ASB3: variants seen among roughly 807,000 people sequenced by gnomAD.
The protein encoded by ASB3 is ankyrin repeat and SOCS box containing 3.
ASB3 carries 41 observed loss-of-function variants against 54.5 expected under a neutral mutation model. That is an observed-to-expected ratio of 0.75 (90% CI 0.59 to 0.98). ASB3 has a LOEUF of 0.98. Among genes scored for constraint, ASB3 ranks in the 50% least tolerant of loss-of-function variants. The pLI is 0.00. For missense variants in ASB3, 733 were observed against 620.0 expected (o/e 1.18, Z -1.94); for synonymous variants, 266 against 221.2 (o/e 1.20, Z -1.80).
intron 3 of ASB3, 61 bp downstream of exon 3, chr2:53,750,722 A>G: frequency 7.1e-7 from 1 of 1,413,136 alleles, no homozygotes; most frequent in African/African-American, 1.5e-5. Flanking sequence ...AATTAAGCTT[A>G]GTTTAACAAA....
intron 9 of ASB3, among the ~76,000 whole-genome samples, chr2:53,681,996 A>G (rs762705696): frequency 1.3e-5 from 2 of 151,880 alleles, no homozygotes; most frequent in Non-Finnish European, 2.9e-5. Flanking sequence ...CGTCTCTACT[A>G]AAAGTACAAA....
At chr2:53,772,424 T>G (rs1674002961) in intron 1 of ASB3, among the ~76,000 whole-genome samples, 1 of 152,182 alleles carries the variant, frequency 6.6e-6, no homozygotes, top group African/African-American at 2.4e-5. Context: ...TCCGCCCGCC[T>G]TGGCCTCCCA....
At chr2:53,684,859 G>C (rs1167352416) in intron 9 of ASB3, among the ~76,000 whole-genome samples, 1 of 152,204 alleles carries the variant, frequency 6.6e-6, no homozygotes, top group Non-Finnish European at 1.5e-5. Flanking sequence ...TTAGAAGAGT[G>C]TCAGGAAACA....
rs1572883749 is a variant in ASB3, at chr2:53,709,373, G to A, written c.980+5011C>T. 8.5e-5 allele frequency among the ~76,000 whole-genome samples: 13 copies of A among 152,330 alleles called. 1 individual carries two copies. In the South Asian group the frequency reaches 2.7e-3, roughly 32 times the overall value. On this transcript the variant is annotated intron_variant, in intron 7 of 9. Coordinates refer to ENST00000263634, the MANE Select transcript of ASB3 (RefSeq NM_016115.5). ...TAAGAGTTGAGGTTTGGGAGACTCT[G>A]CCTAGGTTTCAGAGGATGTCTGAAA...
At chr2:53,745,047 G>C (rs1368921473) in intron 3 of ASB3, among the ~76,000 whole-genome samples, 4 of 152,192 alleles carry the variant, frequency 2.6e-5, no homozygotes, top group Admixed American at 6.5e-5. Context: ...GTTTGGATTT[G>C]AGCCTCCAAT....
At chr2:53,776,398 C>A (rs188214078) in intron 1 of ASB3, among the ~76,000 whole-genome samples, 1 of 152,180 alleles carries the variant, frequency 6.6e-6, no homozygotes, top group Non-Finnish European at 1.5e-5. Context: ...CATCACATCA[C>A]GCTAAAAGTT....
chr2:53,765,289 C>T (rs1673375961), intron 2 of ASB3, 88 bp downstream of exon 2: 1 of 1,528,018 alleles, frequency 6.5e-7, no homozygotes, highest in Non-Finnish European at 8.8e-7. Context: ...GAAACAAATA[C>T]TACTGTTAAT....
chr2:53,744,395 A>AAAAC, intron 3 of ASB3, among the ~76,000 whole-genome samples: 1 of 150,006 alleles, frequency 6.7e-6, no homozygotes, highest in Admixed American at 6.6e-5. Context: ...AAAAAAATAA[A>AAAAC]TAAAAAAATT....
intron 7 of ASB3, among the ~76,000 whole-genome samples, chr2:53,710,101 G>C (rs1670007232): frequency 1.3e-5 from 2 of 152,164 alleles, no homozygotes; most frequent in African/African-American, 2.4e-5. Flanking sequence ...GCAACTATAA[G>C]AGAAACCTCC....
At chr2:53,784,234 G>C (rs1163762806) in intron 1 of ASB3, among the ~76,000 whole-genome samples, 2 of 152,188 alleles carry the variant, frequency 1.3e-5, no homozygotes, top group Non-Finnish European at 2.9e-5. Flanking sequence ...AAGCATAAAA[G>C]ACTTGTACTG....
intron 3 of ASB3, among the ~76,000 whole-genome samples, chr2:53,733,556 G>A (rs111790385): frequency 0.024 from 3,644 of 151,644 alleles, 64 homozygotes; most frequent in Non-Finnish European, 0.034. Flanking sequence ...GTTCTCCTGC[G>A]TCAGCCTCCC....
chr2:53,774,021 A>G, intron 1 of ASB3: 1 of 1,127,052 alleles, frequency 8.9e-7, no homozygotes, highest in African/African-American at 1.6e-5. Context: ...GGCAACAGAC[A>G]AGACTTCATC....
rs115449885 is a variant in ASB3, at chr2:53,756,825, G to T, written c.197-5884C>A. On this transcript the variant is annotated intron_variant, in intron 2 of 9. Transcript: ENST00000263634. ...ACTTCTACCCCTCCGATCTGGCAGG[G>T]TGTCCACTGCACTTCTGATCCAGCG... 1,287 of 153,104 alleles carry T rather than the reference G, an allele frequency of 8.4e-3. 17 individuals are homozygous for T. The highest frequency in any genetic ancestry group is 0.014 in the Non-Finnish European group (944 of 68,250). The allele number at this position is 153,104 out of a possible 1,614,324, so 9.5% of individuals were successfully genotyped here. A position where few individuals can be genotyped will look rare whatever the true frequency, so the allele number is the denominator to read the frequency against.
At chr2:53,773,376 A>T (rs1205349600) in intron 1 of ASB3, among the ~76,000 whole-genome samples, 1 of 152,116 alleles carries the variant, frequency 6.6e-6, no homozygotes, top group Non-Finnish European at 1.5e-5. Context: ...TATTTCCTTT[A>T]TTGTTTAGTA....
At chr2:53,721,161 T>C (rs548812511) in intron 5 of ASB3, among the ~76,000 whole-genome samples, 10 of 147,674 alleles carry the variant, frequency 6.8e-5, no homozygotes, top group South Asian at 2.1e-4. Flanking sequence ...AATAAATAAA[T>C]AAACTGAATT....
At position 53,704,690 on chromosome 2, in the gene ASB3, A is replaced by G. The variant is rs530557398; in HGVS notation, c.981-4162T>C. Among the ~76,000 whole-genome samples, 8 of 152,332 alleles carry G rather than the reference A, an allele frequency of 5.3e-5. No individual in the cohort carries two copies. In the East Asian group the frequency reaches 1.5e-3, roughly 29 times the overall value. On this transcript the variant is annotated intron_variant, in intron 7 of 9. Coordinates refer to ENST00000263634, the MANE Select transcript of ASB3 (RefSeq NM_016115.5). ...AAAATGAATAAGTCTCATATTACAT[A>G]TACAGTAAATGTATAAGCAACCAGC... is the stretch of plus-strand genomic sequence containing the variant.
At chr2:53,762,285 C>T (rs1238672260) in intron 2 of ASB3, among the ~76,000 whole-genome samples, 1 of 152,054 alleles carries the variant, frequency 6.6e-6, no homozygotes, top group Non-Finnish European at 1.5e-5. Context: ...TTAATGATGG[C>T]CCAGAGTTTC....
At chr2:53,727,110 G>T (rs976447226) in intron 5 of ASB3, among the ~76,000 whole-genome samples, 1 of 152,176 alleles carries the variant, frequency 6.6e-6, no homozygotes, top group Non-Finnish European at 1.5e-5. Context: ...GCCAGGAAAC[G>T]AGTCTAGATC....
chr2:53,680,986 G>A (rs1668341339), intron 9 of ASB3, among the ~76,000 whole-genome samples: 1 of 151,746 alleles, frequency 6.6e-6, no homozygotes, highest in South Asian at 2.1e-4. Context: ...TGCTAAGTTT[G>A]TCTTTCTGTG....
Sources: allele counts gnomAD v4.1 joint callset (sites outside exome capture counted in the v4.1 genomes callset), GRCh38; gene constraint gnomAD v4.1.1; transcripts MANE v1.5; gene names NCBI Gene and HGNC (gene_info 2026-07-23, HGNC 2026-07-21).